The following ZNF469 variants were observed in gnomAD, a reference collection of about 807,000 sequenced individuals.
ZNF469 encodes zinc finger protein 469.
In ZNF469, 1 loss-of-function variant was observed where a neutral mutation model predicts 1.0. That is an observed-to-expected ratio of 1.00 (90% CI 0.35 to 4.73). The LOEUF (loss-of-function observed/expected upper bound fraction) is 4.73. Ranked by LOEUF, ZNF469 falls within the 30% of genes most tolerant of loss-of-function variation. The pLI is 0.16. For synonymous variants in ZNF469, 2,703 were observed against 2,363.4 expected (o/e 1.14, Z -4.17); for missense variants, 6,100 against 5,356.3 (o/e 1.14, Z -4.33).
At chr16:88,151,111 C>A in the ZNF469 span, among the ~76,000 whole-genome samples, 1 of 152,264 alleles carries the variant, frequency 6.6e-6, no homozygotes, top group Non-Finnish European at 1.5e-5. This position sits in a 1 kb window ranked among gnomAD's most constrained non-coding sequence, Gnocchi z 5.4. Context: ...TCTGGGACCT[C>A]AGTGAGCTCC....
the ZNF469 span, among the ~76,000 whole-genome samples, chr16:88,297,272 G>A: frequency 6.6e-6 from 1 of 152,210 alleles, no homozygotes; most frequent in Non-Finnish European, 1.5e-5. Context: ...TAATGGCGGG[G>A]GGCTGGCTTC....
intron 1 of ZNF469, among the ~76,000 whole-genome samples, chr16:88,383,793 G>A (rs1253566371): frequency 6.6e-6 from 1 of 152,136 alleles, no homozygotes; most frequent in South Asian, 2.1e-4. Context: ...GCCCCGGACG[G>A]GGGTGGGAGC....
the ZNF469 span, among the ~76,000 whole-genome samples, chr16:88,103,263 C>A: frequency 1.2e-4 from 18 of 152,340 alleles, no homozygotes; most frequent in African/African-American, 4.3e-4. Flanking sequence ...AGCTTCCTGG[C>A]CGCCCTTCGG....
In ZNF469 at chr16:88,437,408, C is replaced by A. The variant is rs992381445; in HGVS notation, c.9938C>A (p.Pro3313His). The change falls in exon 3 of 3, where the codon CCC (proline) becomes CAC (histidine). Residue 3313 changes from proline to histidine, a missense_variant. Physicochemically the swap from Pro to His is moderately conservative, Grantham distance 77 (BLOSUM62 -2). Coordinates refer to ENST00000565624, the MANE Select transcript of ZNF469 (RefSeq NM_001367624.2). Reference sequence around the variant, plus strand: ...CCCAGGACGACCCCCAGCCCGTCCCCCGACCCCTGGGCCGGCGGGGAGCCC... The same window carrying A: ...CCCAGGACGACCCCCAGCCCGTCCCACGACCCCTGGGCCGGCGGGGAGCCC... ...GPPRTTPSPSPDPWAGGEPLL... is the reference protein window; with the variant it reads ...GPPRTTPSPSHDPWAGGEPLL... The A allele has an allele frequency of 3.9e-6, 6 of 1,527,284 alleles. No homozygotes were observed. Among genetic ancestry groups the A allele is most frequent in the Non-Finnish European group, 4.4e-6 (5 of 1,135,166 alleles). 94.6% of individuals were successfully genotyped at this position (1,527,284 alleles called of 1,614,324 possible). A position where few individuals can be genotyped will look rare whatever the true frequency, so the allele number is the denominator to read the frequency against.
At chr16:88,237,403 C>G in the ZNF469 span, among the ~76,000 whole-genome samples, 3 of 10,136 alleles carry the variant, frequency 3.0e-4, no homozygotes, top group Admixed American at 5.8e-4. Context: ...TGCCAGTCAC[C>G]CTCCCTGCCC....
At chr16:88,400,719 A>G (rs761632693) in intron 1 of ZNF469, among the ~76,000 whole-genome samples, 3 of 126,156 alleles carry the variant, frequency 2.4e-5, no homozygotes. Context: ...GCAAGCTGGG[A>G]TGGCACCCAA....
chr16:88,119,721 G>A, the ZNF469 span, among the ~76,000 whole-genome samples: 1 of 152,188 alleles, frequency 6.6e-6, no homozygotes, highest in Non-Finnish European at 1.5e-5. Flanking sequence ...CTGTTCCCAG[G>A]TGGCTGCCTC....
upstream of ZNF469, among the ~76,000 whole-genome samples, chr16:88,380,651 A>G (rs2092519979): frequency 7.2e-6 from 1 of 138,232 alleles, no homozygotes; most frequent in Non-Finnish European, 1.6e-5. Context: ...GCACTCATAC[A>G]CACACAGACA....
the ZNF469 span, among the ~76,000 whole-genome samples, chr16:88,155,025 C>T: frequency 6.6e-6 from 1 of 152,232 alleles, no homozygotes; most frequent in East Asian, 1.9e-4. Context: ...ATCCCGTCTG[C>T]AGGTCCAGGT....
chr16:88,393,309 G>A (rs1024642128), intron 1 of ZNF469, among the ~76,000 whole-genome samples: 2 of 152,260 alleles, frequency 1.3e-5, no homozygotes, highest in Non-Finnish European at 2.9e-5. Context: ...CAGGGCCCGC[G>A]GCATCCGATT....
At position 88,431,691 on chromosome 16, in the gene ZNF469, C is replaced by T; in HGVS notation, c.4221C>T (p.Ala1407=). 1.3e-6 allele frequency: 2 copies of T among 1,550,432 alleles called. No individual in the cohort carries two copies. The highest frequency in any genetic ancestry group is 3.9e-5 in the Admixed American group (2 of 51,010). Residue 1407 remains alanine (A), a synonymous_variant, in exon 3 of 3, where the codon GCC becomes GCT. Coordinates refer to ENST00000565624, the MANE Select transcript of ZNF469 (RefSeq NM_001367624.2). ...ACCCCAAGCCCTCAGCCAGGGATGCCCCGCCGGCCAGCAGCTCCTGCCTTT... is the reference window on the plus strand; with the variant it reads ...ACCCCAAGCCCTCAGCCAGGGATGCTCCGCCGGCCAGCAGCTCCTGCCTTT... ...ELHPKPSARD[A]PPASSSCLCQ... is the part of the protein sequence containing the mutation.
chr16:88,187,687 TA>T, the ZNF469 span, among the ~76,000 whole-genome samples: 62 of 151,702 alleles, frequency 4.1e-4, no homozygotes, highest in African/African-American at 1.4e-3. Context: ...CAGTTTGAAG[TA>T]GTCCAACTTA....
At chr16:88,401,027 C>T (rs1205151351) in intron 1 of ZNF469, among the ~76,000 whole-genome samples, 1 of 152,060 alleles carries the variant, frequency 6.6e-6, no homozygotes, top group Non-Finnish European at 1.5e-5. Context: ...TGTCCCCCAC[C>T]AAGCCTGGCT....
the ZNF469 span, chr16:88,194,250 G>C: frequency 1.3e-5 from 2 of 152,274 alleles, no homozygotes; most frequent in Non-Finnish European, 2.9e-5. Context: ...CAGCAGCCGG[G>C]GACGGGCCTC....
chr16:88,296,673 T>TGCACACTCGTGCACACTCAC, the ZNF469 span, among the ~76,000 whole-genome samples: 2 of 151,306 alleles, frequency 1.3e-5, no homozygotes, highest in Admixed American at 6.6e-5. Context: ...CACACACTCA[T>TGCACACTCGTGCACACTCAC]GCACACTCGT....
At position 88,427,664 on chromosome 16, in the gene ZNF469, C is replaced by T. The variant is rs1905779903; in HGVS notation, c.194C>T (p.Pro65Leu). ...AQAMELPEAQ[P>L]RQARDGELKP... ...GCCATGGAGCTCCCCGAGGCCCAGC[C>T]AAGGCAGGCCAGGGACGGGGAGCTC... The change falls in exon 3 of 3, where the codon CCA (proline) becomes CTA (leucine). Residue 65 changes from proline to leucine, a missense_variant. By Grantham distance (98) the Pro-to-Leu change is moderately conservative. Transcript: ENST00000565624. The T allele has an allele frequency of 6.5e-7, 1 of 1,536,314 alleles. No individual in the cohort carries two copies. Among genetic ancestry groups the T allele is most frequent in the Non-Finnish European group, 8.7e-7 (1 of 1,145,256 alleles).
chr16:88,129,847 C>T, the ZNF469 span, among the ~76,000 whole-genome samples: 158 of 152,242 alleles, frequency 1.0e-3, no homozygotes, highest in African/African-American at 3.4e-3. Flanking sequence ...GGCCACAGAG[C>T]GAGACTCTGT....
At chr16:88,375,758 C>T in the ZNF469 span, among the ~76,000 whole-genome samples, 4 of 152,266 alleles carry the variant, frequency 2.6e-5, no homozygotes, top group African/African-American at 4.8e-5. Context: ...CTGAGCCACA[C>T]GGCCAGCCTG....
chr16:88,187,576 G>GTT, the ZNF469 span, among the ~76,000 whole-genome samples: 2 of 151,822 alleles, frequency 1.3e-5, no homozygotes, highest in Admixed American at 6.6e-5. Context: ...TATTTAGGTT[G>GTT]TTTTTTTCTT....
Sources: gnomAD v4.1 joint callset for allele counts (sites outside exome capture counted in the v4.1 genomes callset) on GRCh38, gnomAD v4.1.1 for gene constraint, Gnocchi (gnomAD v3.1) non-coding constraint, MANE v1.5 for transcripts, NCBI Gene and HGNC (gene_info 2026-07-23, HGNC 2026-07-21) for gene names.